NTN4: variants seen among roughly 807,000 people sequenced by gnomAD.
NTN4 encodes the protein netrin-4.
A neutral mutation model predicts 73.6 loss-of-function variants in NTN4; 32 were observed. The ratio of observed to expected loss-of-function variants is 0.44; its 90% confidence interval spans 0.33 to 0.58. The LOEUF (loss-of-function observed/expected upper bound fraction) is 0.58, where lower values mean the gene tolerates loss of function less well. Among genes scored for constraint, NTN4 ranks in the 20% least tolerant of loss-of-function variants. NTN4 has a pLI of 0.04. For synonymous variants in NTN4, 258 were observed against 287.5 expected (o/e 0.90, Z 1.04); for missense variants, 654 against 798.3 (o/e 0.82, Z 2.18).
intron 7 of NTN4, among the ~76,000 whole-genome samples, chr12:95,675,440 T>C (rs770141739): frequency 7.9e-5 from 12 of 152,012 alleles, no homozygotes; most frequent in Non-Finnish European, 1.2e-4. Flanking sequence ...ATGCACAACT[T>C]CTAAAACTTT....
chr12:95,728,638 T>C (rs767311268), intron 3 of NTN4, among the ~76,000 whole-genome samples: 1 of 152,206 alleles, frequency 6.6e-6, no homozygotes, highest in Non-Finnish European at 1.5e-5. Context: ...ACTAGGTTCT[T>C]ATCTGGGAAA....
In NTN4 at chr12:95,789,156, C is replaced by T. The variant is rs2079189863; in HGVS notation, c.55+1099G>A. On this transcript the variant is annotated intron_variant, in intron 1 of 9. Coordinates refer to ENST00000343702, the MANE Select transcript of NTN4 (RefSeq NM_021229.4). The surrounding 1 kb of genome is among the most constrained non-coding windows in gnomAD (Gnocchi z 4.0). ...ATGGGGCAAAATACTTGGAGTCACTCAAGGGACTATTCAATGATACTAAGG... is the reference window on the plus strand; with the variant it reads ...ATGGGGCAAAATACTTGGAGTCACTTAAGGGACTATTCAATGATACTAAGG... Among the ~76,000 whole-genome samples, 3 of 152,150 alleles carry T rather than the reference C, an allele frequency of 2.0e-5. No homozygotes were observed. The highest frequency in any genetic ancestry group is 2.0e-4 in the Admixed American group (3 of 15,286).
In NTN4 at chr12:95,787,226, G is replaced by C. The variant is rs374873626; in HGVS notation, c.298C>G (p.Arg100Gly). ...LPSAMADSSF[R>G]FPRTWWQSAE... is the part of the protein sequence containing the mutation. ...GACTGCCACCATGTGCGAGGAAACC[G>C]GAAGGATGAGTCTGCCATGGCAGAT... The change falls in exon 2 of 10, where the codon CGG becomes GGG. Residue 100 changes from arginine (R) to glycine (G), a missense_variant. Coordinates refer to ENST00000343702, the MANE Select transcript of NTN4 (RefSeq NM_021229.4). The C allele has an allele frequency of 1.2e-6, 2 of 1,614,198 alleles. No homozygotes were observed. Among genetic ancestry groups the C allele is most frequent in the Non-Finnish European group, 1.7e-6 (2 of 1,180,044 alleles).
intron 2 of NTN4, among the ~76,000 whole-genome samples, chr12:95,770,364 C>T (rs190135564): frequency 4.6e-5 from 7 of 152,184 alleles, no homozygotes; most frequent in Admixed American, 1.3e-4. Context: ...GCTATGGTTA[C>T]GAAAGGAAGA....
intron 8 of NTN4, 35 bp from the exon 9 acceptor site, chr12:95,666,015 A>C: frequency 1.8e-5 from 26 of 1,472,042 alleles, no homozygotes; most frequent in Non-Finnish European, 2.1e-5. Flanking sequence ...ATAGAATTTC[A>C]TATTATCATT....
At chr12:95,786,822 A>G (rs1364775750) in intron 2 of NTN4, 117 bp downstream of exon 2, 1 of 801,736 alleles carries the variant, frequency 1.2e-6, no homozygotes, top group Non-Finnish European at 2.0e-6. Context: ...AAATCTCATG[A>G]AAAATTCTAA....
At chr12:95,664,370 T>C (rs1343281158) in intron 9 of NTN4, among the ~76,000 whole-genome samples, 1 of 152,146 alleles carries the variant, frequency 6.6e-6, no homozygotes, top group African/African-American at 2.4e-5. Context: ...TTTATTTATT[T>C]ATATAATTTA....
chr12:95,670,155 A>G lies in NTN4; in HGVS notation c.1511-9T>C. 1 of 1,543,780 alleles carries G rather than the reference A, an allele frequency of 6.5e-7. No homozygotes were observed. Among genetic ancestry groups the G allele is most frequent in the Non-Finnish European group, 8.8e-7 (1 of 1,131,232 alleles). Reference sequence around the variant, plus strand: ...CTTACATTCGCATTTACCTATGGAAAGTAAATTAAAAATGGTGTTAGTTAT... The same window carrying G: ...CTTACATTCGCATTTACCTATGGAAGGTAAATTAAAAATGGTGTTAGTTAT... On this transcript the variant is annotated splice_polypyrimidine_tract_variant and intron_variant, in intron 7 of 9. Coordinates refer to ENST00000343702, the MANE Select transcript of NTN4 (RefSeq NM_021229.4).
intron 1 of NTN4, among the ~76,000 whole-genome samples, chr12:95,788,087 G>A (rs7975425): frequency 0.4 from 60,662 of 152,052 alleles, 12,574 homozygotes; most frequent in East Asian, 0.66. Flanking sequence ...CTCATTTAGA[G>A]GGAGGCAAAG....
At chr12:95,709,295 A>G (rs1008035045) in intron 5 of NTN4, among the ~76,000 whole-genome samples, 4 of 152,040 alleles carry the variant, frequency 2.6e-5, no homozygotes, top group African/African-American at 9.7e-5. Context: ...AATCTCCATT[A>G]ATAGTCTTGA....
At chr12:95,721,965 C>T (rs1300257678) in intron 3 of NTN4, among the ~76,000 whole-genome samples, 1 of 152,028 alleles carries the variant, frequency 6.6e-6, no homozygotes, top group Non-Finnish European at 1.5e-5. Context: ...TTTCCAAATG[C>T]GACCCCATCT....
intron 3 of NTN4, among the ~76,000 whole-genome samples, chr12:95,714,027 G>A (rs568733705): frequency 1.3e-5 from 2 of 152,154 alleles, no homozygotes; most frequent in East Asian, 1.9e-4. Flanking sequence ...TTGAAAATAT[G>A]TGTATTGTTA....
At chr12:95,730,459 C>T (rs2078729496) in intron 3 of NTN4, among the ~76,000 whole-genome samples, 1 of 152,174 alleles carries the variant, frequency 6.6e-6, no homozygotes, top group Non-Finnish European at 1.5e-5. Flanking sequence ...GAAATCCTTC[C>T]ATGGGTGCCA....
rs111546409 is a variant in NTN4, at chr12:95,665,720, T to C, written c.1750+90A>G. 33 of 968,644 alleles carry C rather than the reference T, an allele frequency of 3.4e-5. No individual in the cohort carries two copies. The East Asian group carries it at 8.6e-4, about 25-fold the overall frequency. The allele number at this position is 968,644 out of a possible 1,614,324, so 60.0% of individuals were successfully genotyped here. A position where few individuals can be genotyped will look rare whatever the true frequency, so the allele number is the denominator to read the frequency against. Reference sequence around the variant, plus strand: ...GAAAGGGAGAGATGTTCTTGCTGAGTTTGTTTATGTTGTGCTTCAGAGGAT... The same window carrying C: ...GAAAGGGAGAGATGTTCTTGCTGAGCTTGTTTATGTTGTGCTTCAGAGGAT... On this transcript the variant is annotated intron_variant, in intron 9 of 9. Transcript: ENST00000343702.
At chr12:95,743,518 C>A (rs1266682170) in intron 2 of NTN4, among the ~76,000 whole-genome samples, 2 of 151,998 alleles carry the variant, frequency 1.3e-5, no homozygotes, top group East Asian at 3.9e-4. Flanking sequence ...CAGTTGCATC[C>A]CCCCGAAGTT....
chr12:95,785,739 T>C (rs1385798054), intron 2 of NTN4, among the ~76,000 whole-genome samples: 1 of 152,196 alleles, frequency 6.6e-6, no homozygotes. Context: ...TACATGCTGA[T>C]TATACACAAC....
chr12:95,660,267 G>A (rs1483380474), intron 9 of NTN4, among the ~76,000 whole-genome samples: 1 of 152,064 alleles, frequency 6.6e-6, no homozygotes, highest in African/African-American at 2.4e-5. Context: ...TGCCTGCCTC[G>A]GCCTCCCAAA....
In NTN4 at chr12:95,787,048, T is replaced by C; in HGVS notation, c.476A>G (p.Tyr159Cys). The C allele has an allele frequency of 6.2e-7, 1 of 1,614,208 alleles. No homozygotes were observed. Among genetic ancestry groups the C allele is most frequent in the Non-Finnish European group, 8.5e-7 (1 of 1,180,028 alleles). The change falls in exon 2 of 10, where the codon TAC becomes TGC. Residue 159 changes from tyrosine (Y) to cysteine (C), a missense_variant. By Grantham distance (194) the Tyr-to-Cys change is radical. Coordinates refer to ENST00000343702, the MANE Select transcript of NTN4 (RefSeq NM_021229.4). ...DFGKTWKPYK[Y>C]FATNCSATFG... ...TGTAGCGGAGCAGTTAGTCGCAAAG[T>C]ACTTATAAGGCTTCCATGTTTTCCC... is the stretch of plus-strand genomic sequence containing the variant.
chr12:95,719,272 A>C (rs2078629172), intron 3 of NTN4, among the ~76,000 whole-genome samples: 1 of 152,188 alleles, frequency 6.6e-6, no homozygotes, highest in East Asian at 1.9e-4. Context: ...TTTTAATTCC[A>C]ATTGAAAATG....
Sources: gnomAD v4.1 joint callset for allele counts (sites outside exome capture counted in the v4.1 genomes callset) on GRCh38, gnomAD v4.1.1 for gene constraint, Gnocchi (gnomAD v3.1) non-coding constraint, MANE v1.5 for transcripts, NCBI Gene and HGNC (gene_info 2026-07-23, HGNC 2026-07-21) for gene names.